Variants in FARP1 observed in about 807,000 individuals in gnomAD.
FARP1 encodes FERM, ARH/RhoGEF and pleckstrin domain protein 1, also known as FERM, ARHGEF and pleckstrin domain-containing protein 1.
A neutral mutation model predicts 128.8 loss-of-function variants in FARP1; 52 were observed. The ratio of observed to expected loss-of-function variants is 0.40; its 90% CI spans 0.32 to 0.51. The LOEUF is 0.51. FARP1 is among the 20% of genes least tolerant of loss of function. The pLI is 0.45. For missense variants in FARP1, 1,333 were observed against 1,367.9 expected (o/e 0.97, Z 0.40); for synonymous variants, 580 against 551.8 (o/e 1.05, Z -0.72).
intron 2 of FARP1, among the ~76,000 whole-genome samples, chr13:98,264,392 G>A (rs1191188106): frequency 6.6e-6 from 1 of 152,170 alleles, no homozygotes; most frequent in East Asian, 1.9e-4. Flanking sequence ...ACTTCGTCCC[G>A]CCAGGGACAT....
chr13:98,436,670 C>T (rs1303886667), intron 19 of FARP1, among the ~76,000 whole-genome samples: 1 of 152,150 alleles, frequency 6.6e-6, no homozygotes, highest in East Asian at 1.9e-4. Flanking sequence ...GACCAGAAGC[C>T]ACGTTGTGAG....
At chr13:98,339,224 G>A (rs999219883) in intron 2 of FARP1, among the ~76,000 whole-genome samples, 1 of 152,230 alleles carries the variant, frequency 6.6e-6, no homozygotes, top group East Asian at 1.9e-4. Context: ...TCTTCAGGAA[G>A]CATGGCTGGG....
rs1555325337 is a variant in FARP1 at position 98,179,213 on chromosome 13, C to CGA, written c.-23-34004_-23-34003dup. Among the ~76,000 whole-genome samples, 147 of 152,054 alleles carry CGA rather than the reference C, an allele frequency of 9.7e-4. 2 individuals carry two copies. Among genetic ancestry groups the CGA allele is most frequent in the South Asian group, 3.1e-3 (15 of 4,824 alleles). ...AAGGCATGTCTCGCATGGCAGCAGACGAGAACAGAATGAGAACCAAGTGAA... is the reference window on the plus strand; with the variant it reads ...AAGGCATGTCTCGCATGGCAGCAGACGAGAGAACAGAATGAGAACCAAGTGAA... On this transcript the variant is annotated intron_variant, in intron 1 of 26. Coordinates refer to ENST00000319562, the MANE Select transcript of FARP1 (RefSeq NM_005766.4).
chr13:98,210,838 C>T (rs979324855), intron 1 of FARP1, among the ~76,000 whole-genome samples: 26 of 152,302 alleles, frequency 1.7e-4, no homozygotes, highest in Admixed American at 5.2e-4. Flanking sequence ...CGTGAGCCAC[C>T]GCACCCAGCC....
chr13:98,286,698 C>T (rs1885186465), intron 2 of FARP1, among the ~76,000 whole-genome samples: 1 of 152,182 alleles, frequency 6.6e-6, no homozygotes, highest in South Asian at 2.1e-4. Context: ...CTTTTCAGTC[C>T]ACCCTACTAG....
intron 1 of FARP1, among the ~76,000 whole-genome samples, chr13:98,152,444 T>C (rs1201712842): frequency 6.6e-6 from 1 of 152,164 alleles, no homozygotes; most frequent in African/African-American, 2.4e-5. Context: ...AGACTAGATG[T>C]GATGCCTGGA....
At chr13:98,215,399 C>G (rs370850860) in intron 2 of FARP1, among the ~76,000 whole-genome samples, 1 of 152,166 alleles carries the variant, frequency 6.6e-6, no homozygotes, top group Non-Finnish European at 1.5e-5. Flanking sequence ...ACTCATATAC[C>G]TGTCAGATGC....
In FARP1 at chr13:98,395,429, A is replaced by C; in HGVS notation, c.1367A>C (p.Lys456Thr). 6.2e-7 allele frequency: 1 copy of C among 1,609,008 alleles called. No individual in the cohort carries two copies. Among genetic ancestry groups the C allele is most frequent in the Non-Finnish European group, 8.5e-7 (1 of 1,176,904 alleles). Reference sequence around the variant, plus strand: ...ACGGAGGAAGAGGAGGAGGTCGTTAAGGATAGGACCCAGCAGAGTAAACCT... The same window carrying C: ...ACGGAGGAAGAGGAGGAGGTCGTTACGGATAGGACCCAGCAGAGTAAACCT... ...APTEEEEEVV[K>T]DRTQQSKPQP... Residue 456 changes from lysine (K) to threonine (T), a missense_variant, in exon 13 of 27, where the codon AAG (lysine) becomes ACG (threonine). Lys to Thr is a moderately conservative substitution (Grantham distance 78). Coordinates refer to ENST00000319562, the MANE Select transcript of FARP1 (RefSeq NM_005766.4).
rs1877810623 is a variant in FARP1 at position 98,173,839 on chromosome 13, C to T, written c.-24+30347C>T. Among the ~76,000 whole-genome samples, 3 of 152,248 alleles carry T rather than the reference C, an allele frequency of 2.0e-5. No homozygotes were observed. The South Asian group carries it at 6.2e-4, about 32-fold the overall frequency. ...ACTTTGAAAGCCAGCTGGCCCCACACTGCTCTTCACTTCCCCAGCAGGGTG... is the reference window on the plus strand; with the variant it reads ...ACTTTGAAAGCCAGCTGGCCCCACATTGCTCTTCACTTCCCCAGCAGGGTG... On this transcript the variant is annotated intron_variant, in intron 1 of 26. Coordinates refer to ENST00000319562, the MANE Select transcript of FARP1 (RefSeq NM_005766.4).
intron 24 of FARP1, among the ~76,000 whole-genome samples, chr13:98,441,244 G>A (rs12874175): frequency 1.3e-5 from 2 of 152,192 alleles, no homozygotes; most frequent in Non-Finnish European, 2.9e-5. Context: ...TGGGAGGGAG[G>A]AGAGTCTGCA....
intron 2 of FARP1, among the ~76,000 whole-genome samples, chr13:98,313,320 A>ACT (rs1708280779): frequency 6.7e-6 from 1 of 149,892 alleles, no homozygotes; most frequent in African/African-American, 2.5e-5. Context: ...CCAAACACAC[A>ACT]CACACACACA....
chr13:98,424,758 T>A, intron 17 of FARP1, 108 bp downstream of exon 17: 1 of 778,008 alleles, frequency 1.3e-6, no homozygotes, highest in South Asian at 1.5e-5. Flanking sequence ...TCACCTGATT[T>A]GACTCTCTAC....
At chr13:98,170,915 A>G (rs563071306) in intron 1 of FARP1, among the ~76,000 whole-genome samples, 12 of 152,232 alleles carry the variant, frequency 7.9e-5, no homozygotes, top group African/African-American at 2.9e-4. Flanking sequence ...TCAGGTTGGA[A>G]TTTTTGTGCA....
intron 2 of FARP1, chr13:98,338,480 G>A (rs1887831474): frequency 6.6e-6 from 1 of 152,200 alleles, no homozygotes; most frequent in African/African-American, 2.4e-5. Flanking sequence ...GATGTAGCAT[G>A]TTCCTGAATC....
Position 98,206,814 on chromosome 13 carries a change from G to T in FARP1, c.-23-6406G>T, listed in dbSNP as rs1880300596. 2.6e-5 allele frequency among the ~76,000 whole-genome samples: 4 copies of T among 152,204 alleles called. No individual in the cohort carries two copies. The South Asian group carries it at 8.3e-4, about 32-fold the overall frequency. ...AACTAATAAAGTAGTTTTGCAAGCA[G>T]CTTTTAACTTTAAGGTCTGGAATAA... On this transcript the variant is annotated intron_variant, in intron 1 of 26. Transcript: ENST00000319562.
chr13:98,376,344 A>G (rs1290291068), intron 5 of FARP1, among the ~76,000 whole-genome samples: 1 of 152,214 alleles, frequency 6.6e-6, no homozygotes. Flanking sequence ...TTTAATTTTT[A>G]GCTCCCAAAA....
intron 2 of FARP1, among the ~76,000 whole-genome samples, chr13:98,238,488 T>TA (rs35945786): frequency 5.0e-4 from 76 of 152,208 alleles, no homozygotes; most frequent in African/African-American, 1.7e-3. Context: ...GGTAATTTAT[T>TA]AAAAAAAGAG....
intron 8 of FARP1, among the ~76,000 whole-genome samples, chr13:98,386,953 G>A (rs1890119877): frequency 2.0e-5 from 3 of 152,164 alleles, no homozygotes; most frequent in African/African-American, 7.2e-5. Context: ...TATTCAAGGC[G>A]GATTTTTTCT....
intron 2 of FARP1, among the ~76,000 whole-genome samples, chr13:98,290,254 G>C (rs903221077): frequency 6.6e-6 from 1 of 151,994 alleles, no homozygotes; most frequent in Non-Finnish European, 1.5e-5. Context: ...GAAAAACAAA[G>C]TAAGGGAGGA....
Sources: gnomAD v4.1 joint callset for allele counts (sites outside exome capture counted in the v4.1 genomes callset) on GRCh38, gnomAD v4.1.1 for gene constraint, MANE v1.5 for transcripts, NCBI Gene and HGNC (gene_info 2026-07-23, HGNC 2026-07-21) for gene names.